Variants in MAD1L1 observed in about 807,000 individuals in gnomAD.
The protein encoded by MAD1L1 is mitotic spindle assembly checkpoint protein MAD1.
In MAD1L1, 95 loss-of-function variants were observed where a neutral mutation model predicts 96.9. The ratio of observed to expected loss-of-function variants is 0.98; its 90% CI spans 0.83 to 1.16. The LOEUF (loss-of-function observed/expected upper bound fraction) is 1.16. Ranked by LOEUF, MAD1L1 falls within the 50% of genes most tolerant of loss-of-function variation. MAD1L1 has a pLI of 0.00. For missense variants in MAD1L1, 1,007 were observed against 954.4 expected, an observed-to-expected ratio of 1.06 and a Z score of -0.73; for synonymous variants, 473 against 396.6, an observed-to-expected ratio of 1.19 and a Z score of -2.29.
intron 18 of MAD1L1, among the ~76,000 whole-genome samples, chr7:1,895,335 T>A (rs1786799038): frequency 6.6e-6 from 1 of 152,154 alleles, no homozygotes; most frequent in African/African-American, 2.4e-5. Context: ...GCTTTACAGA[T>A]GAGGCAGAGG....
chr7:1,952,439 C>T (rs1485003728), intron 16 of MAD1L1, among the ~76,000 whole-genome samples: 2 of 152,226 alleles, frequency 1.3e-5, no homozygotes, highest in Admixed American at 6.5e-5. Flanking sequence ...CAATGACCTG[C>T]TTCCTTTCAC....
intron 18 of MAD1L1, among the ~76,000 whole-genome samples, chr7:1,827,881 G>A (rs1253278621): frequency 3.9e-5 from 6 of 152,250 alleles, no homozygotes; most frequent in South Asian, 2.1e-4. Flanking sequence ...AGGAGAGGAC[G>A]TCAGCGGCCT....
chr7:1,890,394 AC>A (rs1248894387), intron 18 of MAD1L1, among the ~76,000 whole-genome samples: 4 of 151,926 alleles, frequency 2.6e-5, no homozygotes, highest in Non-Finnish European at 1.5e-5. Flanking sequence ...GGAGCCTGGC[AC>A]CCCACCCCTT....
chr7:1,963,032 C>T (rs1215075488), intron 15 of MAD1L1, among the ~76,000 whole-genome samples: 4 of 152,338 alleles, frequency 2.6e-5, no homozygotes, highest in Middle Eastern at 6.8e-3. Context: ...ACACCAACTA[C>T]TCTGGAAGAC....
intron 10 of MAD1L1, among the ~76,000 whole-genome samples, chr7:2,153,547 G>C (rs1412127586): frequency 2.6e-5 from 4 of 152,136 alleles, no homozygotes; most frequent in African/African-American, 9.7e-5. Context: ...AAAACACACA[G>C]ACAGATGCTG....
intron 7 of MAD1L1, among the ~76,000 whole-genome samples, chr7:2,217,484 G>A (rs990414137): frequency 6.6e-6 from 1 of 152,162 alleles, no homozygotes; most frequent in Non-Finnish European, 1.5e-5. Flanking sequence ...GAGAGGGCAC[G>A]GCCAGAGCAC....
chr7:2,016,826 T>C (rs546139514), intron 12 of MAD1L1, among the ~76,000 whole-genome samples: 2 of 152,234 alleles, frequency 1.3e-5, no homozygotes, highest in Non-Finnish European at 2.9e-5. Context: ...CTGTGGAAAA[T>C]TTGTTTGCAC....
chr7:1,908,983 G>A (rs1390397526), intron 17 of MAD1L1, among the ~76,000 whole-genome samples: 1 of 152,192 alleles, frequency 6.6e-6, no homozygotes, highest in African/African-American at 2.4e-5. Context: ...TGCCAGCATT[G>A]GCATCTCCAG....
intron 15 of MAD1L1, among the ~76,000 whole-genome samples, chr7:1,974,707 G>A (rs73047990): frequency 0.034 from 5,196 of 152,368 alleles, 192 homozygotes; most frequent in Admixed American, 0.098. Flanking sequence ...ACAGAAAACA[G>A]AGGAGAGGAA....
intron 18 of MAD1L1, among the ~76,000 whole-genome samples, chr7:1,884,181 A>T (rs951657789): frequency 3.9e-5 from 6 of 152,334 alleles, no homozygotes; most frequent in African/African-American, 1.4e-4. Flanking sequence ...GACGCAGCCG[A>T]GGCATGCACG....
intron 11 of MAD1L1, among the ~76,000 whole-genome samples, chr7:2,091,374 G>A (rs961343187): frequency 3.9e-5 from 6 of 152,182 alleles, no homozygotes; most frequent in African/African-American, 9.7e-5. Context: ...ATACACAGAC[G>A]CATCTGCCTG....
rs578255596 is a variant in MAD1L1 at position 2,087,849 on chromosome 7, C to T, written c.1074-18511G>A. Among the ~76,000 whole-genome samples the T allele has an allele frequency of 1.0e-3, 158 of 152,302 alleles. 1 individual carries two copies. The highest frequency in any genetic ancestry group is 3.6e-3 in the African/African-American group (150 of 41,562). ...CCACAGAGAACAGCTTCATGGAACA[C>T]CGTAGGCGCCCCTTAGCATCCAAGA... is the stretch of plus-strand genomic sequence containing the variant. On this transcript the variant is annotated intron_variant, in intron 11 of 18. Coordinates refer to ENST00000265854, the MANE Select transcript of MAD1L1 (RefSeq NM_001013836.2).
At chr7:1,898,147 CAGG>C (rs1345831576) in intron 18 of MAD1L1, 50 bp downstream of exon 18, 3 of 1,517,556 alleles carry the variant, frequency 2.0e-6, no homozygotes, top group South Asian at 2.4e-5. Flanking sequence ...GATCTCCCCA[CAGG>C]AGGAGACAGA....
chr7:2,216,155 A>G lies in MAD1L1; in HGVS notation c.809+2T>C, dbSNP rs986038370. 4 of 1,612,036 alleles carry G rather than the reference A, an allele frequency of 2.5e-6. No individual in the cohort carries two copies. Among genetic ancestry groups the G allele is most frequent in the Non-Finnish European group, 3.4e-6 (4 of 1,179,618 alleles). On this transcript the variant is annotated splice_donor_variant, in intron 8 of 18. Transcript: ENST00000265854. LOFTEE classifies it high-confidence loss of function. ...GCTGCCCCATCCCCCGCAACCCCTC[A>G]CCGCAGGTGCGCGCTCTCCTCCCGC...
intron 10 of MAD1L1, among the ~76,000 whole-genome samples, chr7:2,159,873 T>C (rs1790018449): frequency 6.6e-6 from 1 of 152,186 alleles, no homozygotes; most frequent in Admixed American, 6.5e-5. Flanking sequence ...ACTATAAGTA[T>C]GCTATGCTGC....
chr7:2,163,251 C>T (rs1221443042), intron 10 of MAD1L1, among the ~76,000 whole-genome samples: 3 of 152,144 alleles, frequency 2.0e-5, no homozygotes, highest in Non-Finnish European at 4.4e-5. Flanking sequence ...ATCACAGAGC[C>T]CAGGGGCTTG....
chr7:2,215,355 G>T (rs927408014), intron 9 of MAD1L1, among the ~76,000 whole-genome samples: 1 of 148,566 alleles, frequency 6.7e-6, no homozygotes, highest in Non-Finnish European at 1.5e-5. Flanking sequence ...TCCAGCCTGG[G>T]GACAGGGCGA....
chr7:1,896,053 C>T (rs999841089), intron 18 of MAD1L1, among the ~76,000 whole-genome samples: 3 of 152,228 alleles, frequency 2.0e-5, no homozygotes, highest in African/African-American at 7.2e-5. Context: ...CCCGGCCTCC[C>T]GTACGCTGTG....
intron 3 of MAD1L1, among the ~76,000 whole-genome samples, chr7:2,228,022 C>G (rs988491272): frequency 2.7e-5 from 4 of 146,710 alleles, no homozygotes; most frequent in African/African-American, 9.8e-5. Flanking sequence ...GGGGGCTCAG[C>G]AGGAGAGAGA....
Sources: allele counts gnomAD v4.1 joint callset (sites outside exome capture counted in the v4.1 genomes callset), GRCh38; gene constraint gnomAD v4.1.1; transcripts MANE v1.5; gene names NCBI Gene and HGNC (gene_info 2026-07-23, HGNC 2026-07-21).